SOS1: variants seen among roughly 807,000 people sequenced by gnomAD.
SOS1 encodes son of sevenless homolog 1.
A neutral mutation model predicts 157.6 loss-of-function variants in SOS1; 25 were observed. That is an observed-to-expected ratio of 0.16 (90% CI 0.12 to 0.22). SOS1 has a LOEUF of 0.22. SOS1 is among the 10% of genes least tolerant of loss of function. The pLI is 1.00. For synonymous variants in SOS1, 528 were observed against 534.0 expected (o/e 0.99, Z 0.16); for missense variants, 1,237 against 1,599.1 (o/e 0.77, Z 3.86).
At chr2:39,032,993 G>A (rs909368564) in intron 8 of SOS1, among the ~76,000 whole-genome samples, 1 of 151,848 alleles carries the variant, frequency 6.6e-6, no homozygotes, top group Non-Finnish European at 1.5e-5. Flanking sequence ...CAAGCGAAGA[G>A]GCAGTAATAT....
At chr2:39,058,357 C>G (rs1671287310) in intron 3 of SOS1, among the ~76,000 whole-genome samples, 1 of 152,006 alleles carries the variant, frequency 6.6e-6, no homozygotes, top group Non-Finnish European at 1.5e-5. Context: ...GTCTAACCAA[C>G]AAGAAAGGAG....
chr2:38,991,701 G>T (rs1668739568), intron 20 of SOS1, among the ~76,000 whole-genome samples: 1 of 152,066 alleles, frequency 6.6e-6, no homozygotes, highest in African/African-American at 2.4e-5. Context: ...CTCATTCTGA[G>T]GTCATCTTTC....
At chr2:39,037,172 A>T (rs1322414798) in intron 6 of SOS1, among the ~76,000 whole-genome samples, 1 of 152,332 alleles carries the variant, frequency 6.6e-6, no homozygotes, top group Non-Finnish European at 1.5e-5. Flanking sequence ...TCATAATATA[A>T]CACCAGAAAT....
chr2:39,063,784 G>C (rs1671492808), intron 2 of SOS1, among the ~76,000 whole-genome samples: 1 of 151,956 alleles, frequency 6.6e-6, no homozygotes, highest in Non-Finnish European at 1.5e-5. Flanking sequence ...ACCATACTTT[G>C]AATTATGCTT....
rs561321665 is a variant in SOS1, at chr2:39,074,897, A to T, written c.88-7144T>A. On this transcript the variant is annotated intron_variant, in intron 1 of 22. Transcript: ENST00000402219. Reference sequence around the variant, plus strand: ...GGAAAAAAAAAAAAAAAAAAGGCACAGAGACTAAGAACAAAATGATGTGTT... The same window carrying T: ...GGAAAAAAAAAAAAAAAAAAGGCACTGAGACTAAGAACAAAATGATGTGTT... Among the ~76,000 whole-genome samples the T allele has an allele frequency of 2.3e-3, 350 of 151,178 alleles. 3 individuals are homozygous for T. Among genetic ancestry groups the T allele is most frequent in the African/African-American group, 8.1e-3 (335 of 41,314 alleles).
intron 1 of SOS1, among the ~76,000 whole-genome samples, chr2:39,076,912 A>G (rs1162318929): frequency 6.6e-6 from 1 of 152,266 alleles, no homozygotes; most frequent in African/African-American, 2.4e-5. Flanking sequence ...AAGTGAGTTT[A>G]GTAAAATTGT....
intron 2 of SOS1, among the ~76,000 whole-genome samples, chr2:39,059,926 G>T (rs1671342594): frequency 6.6e-6 from 1 of 151,944 alleles, no homozygotes; most frequent in South Asian, 2.1e-4. Flanking sequence ...TAAAAATGGG[G>T]TTTACAAACC....
In SOS1 at chr2:38,984,334, A is replaced by G. The variant is rs1668488491; in HGVS notation, c.*1490T>C. On this transcript the variant is annotated 3_prime_UTR_variant, in exon 23 of 23. Coordinates refer to ENST00000402219, the MANE Select transcript of SOS1 (RefSeq NM_005633.4). ...AGTCACAGTATTTGTTAGACTCAGA[A>G]GAACAGTACATACGCTTTATGAATA... is the stretch of plus-strand genomic sequence containing the variant. The G allele has an allele frequency of 6.6e-6, 1 of 152,196 alleles. No individual in the cohort carries two copies. Among genetic ancestry groups the G allele is most frequent in the Non-Finnish European group, 1.5e-5 (1 of 68,016 alleles). The allele number at this position is 152,196 out of a possible 1,614,324, so 9.4% of individuals were successfully genotyped here. A position where few individuals can be genotyped will look rare whatever the true frequency, so the allele number is the denominator to read the frequency against.
chr2:39,024,700 C>G (rs1669901659), intron 8 of SOS1, among the ~76,000 whole-genome samples: 1 of 151,938 alleles, frequency 6.6e-6, no homozygotes, highest in Admixed American at 6.6e-5. Flanking sequence ...TCCCATTTGC[C>G]AAATAAGGCT....
Position 38,995,240 on chromosome 2 carries a change from C to A in SOS1, c.3229G>T (p.Ala1077Ser). ...GTTCTTGGAGAATTTGGTGCAGATG[C>A]TGTACTTTCTGTTTCACTTTCAGGG... ...RIPESETEST[A>S]SAPNSPRTPL... The change falls in exon 20 of 23, where the codon GCA becomes TCA. Residue 1077 changes from alanine (A) to serine (S), a missense_variant. Transcript: ENST00000402219. The A allele has an allele frequency of 1.2e-6, 2 of 1,614,044 alleles. No individual in the cohort carries two copies. The highest frequency in any genetic ancestry group is 1.7e-6 in the Non-Finnish European group (2 of 1,179,964).
At chr2:38,994,119 C>T (rs189422849) in intron 20 of SOS1, among the ~76,000 whole-genome samples, 3 of 152,082 alleles carry the variant, frequency 2.0e-5, no homozygotes, top group Admixed American at 2.0e-4. Flanking sequence ...AAAATGCACG[C>T]TGGATTTTAA....
At chr2:39,071,272 C>A (rs1343847352) in intron 1 of SOS1, among the ~76,000 whole-genome samples, 1 of 152,204 alleles carries the variant, frequency 6.6e-6, no homozygotes, top group Non-Finnish European at 1.5e-5. Context: ...CCTCTTTCCA[C>A]TAAACCCTTG....
At chr2:39,121,099 C>T (rs954035221), upstream of SOS1, 1 of 153,828 alleles carries the variant, frequency 6.5e-6, no homozygotes, top group Non-Finnish European at 1.5e-5. Flanking sequence ...TTTTCCGGCT[C>T]CCGGTGAAGG....
intron 6 of SOS1, among the ~76,000 whole-genome samples, chr2:39,044,481 T>C (rs1461177167): frequency 6.6e-6 from 1 of 152,242 alleles, no homozygotes; most frequent in Non-Finnish European, 1.5e-5. Flanking sequence ...TTTTTAATTA[T>C]TCCTATTTTT....
At chr2:39,024,184 T>C (rs1669883383) in intron 8 of SOS1, 47 bp from the exon 9 acceptor site, 2 of 1,490,680 alleles carry the variant, frequency 1.3e-6, no homozygotes, top group South Asian at 1.2e-5. Flanking sequence ...CATTTTTGGA[T>C]AAAATAATAA....
At position 38,986,182 on chromosome 2, in the gene SOS1, G is replaced by A. The variant is rs730881050; in HGVS notation, c.3644C>T (p.Pro1215Leu). ...AGGTGTCCTCACAGGTTCTCGTGGT[G>A]GTAATAAGGGAGGGCTTTCAGGAGG... is the stretch of plus-strand genomic sequence containing the variant. ...SDPPESPPLL[P>L]PREPVRTPDV... Residue 1215 changes from proline to leucine, a missense_variant, in exon 23 of 23, where the codon CCA (proline) becomes CTA (leucine). Transcript: ENST00000402219. 11 of 1,613,796 alleles carry A rather than the reference G, an allele frequency of 6.8e-6. No homozygotes were observed. The highest frequency in any genetic ancestry group is 9.3e-6 in the Non-Finnish European group (11 of 1,179,914).
At chr2:39,091,711 G>A (rs538210106) in intron 1 of SOS1, among the ~76,000 whole-genome samples, 1 of 152,120 alleles carries the variant, frequency 6.6e-6, no homozygotes, top group African/African-American at 2.4e-5. Flanking sequence ...CAGCCCCCCA[G>A]GCTTCTCCAC....
chr2:38,985,277 G>A lies in SOS1; in HGVS notation c.*547C>T, dbSNP rs1329303979. On this transcript the variant is annotated 3_prime_UTR_variant, in exon 23 of 23. Coordinates refer to ENST00000402219, the MANE Select transcript of SOS1 (RefSeq NM_005633.4). ...ACCGTAATAATCTGTAAACAGGCCT[G>A]TAGTACAGTGCCGGGCCTTGATTTC... is the stretch of plus-strand genomic sequence containing the variant. 5.9e-6 allele frequency: 1 copy of A among 168,556 alleles called. No homozygotes were observed. Among genetic ancestry groups the A allele is most frequent in the East Asian group, 1.5e-4 (1 of 6,578 alleles). 10.4% of individuals were successfully genotyped at this position (168,556 alleles called of 1,614,324 possible). A position where few individuals can be genotyped will look rare whatever the true frequency, so the allele number is the denominator to read the frequency against.
At chr2:39,031,196 T>C (rs539687787) in intron 8 of SOS1, among the ~76,000 whole-genome samples, 5 of 152,316 alleles carry the variant, frequency 3.3e-5, no homozygotes, top group African/African-American at 1.2e-4. Context: ...CACAACAACA[T>C]AGACTTCAAC....
Sources: allele counts gnomAD v4.1 joint callset (sites outside exome capture counted in the v4.1 genomes callset), GRCh38; gene constraint gnomAD v4.1.1; transcripts MANE v1.5; gene names NCBI Gene and HGNC (gene_info 2026-07-23, HGNC 2026-07-21).